Variants in CENPW observed in about 807,000 individuals in gnomAD.
The protein encoded by CENPW is centromere protein W, also known as cancer-up-regulated gene 2 protein.
A neutral mutation model predicts 11.1 loss-of-function variants in CENPW; 3 were observed. The observed-to-expected ratio is 0.27, with a 90% CI of 0.12 to 0.70. The LOEUF is 0.70. Among genes scored for constraint, CENPW ranks in the 30% least tolerant of loss-of-function variants. CENPW has a pLI of 0.77. For synonymous variants in CENPW, 38 were observed against 42.0 expected (o/e 0.91, Z 0.37); for missense variants, 100 against 105.6 (o/e 0.95, Z 0.23).
chr6:126,350,157 A>C (rs1351705642), downstream of CENPW, among the ~76,000 whole-genome samples: 2 of 152,160 alleles, frequency 1.3e-5, no homozygotes, highest in Non-Finnish European at 2.9e-5. Context: ...TGGTAATGTT[A>C]CTATTTTTTA....
At chr6:126,347,621 G>A (rs577607735) in intron 2 of CENPW, among the ~76,000 whole-genome samples, 22 of 151,970 alleles carry the variant, frequency 1.4e-4, no homozygotes, top group African/African-American at 5.3e-4. Flanking sequence ...GCATGTCTTG[G>A]CATTTTCTAG....
chr6:126,375,560 C>T, the CENPW span, among the ~76,000 whole-genome samples: 2 of 152,060 alleles, frequency 1.3e-5, no homozygotes, highest in South Asian at 4.1e-4. Flanking sequence ...TTTTGTCTTT[C>T]CCGTCTTTGC....
the CENPW span, among the ~76,000 whole-genome samples, chr6:126,460,525 TCA>T: frequency 6.6e-6 from 1 of 151,762 alleles, no homozygotes; most frequent in Admixed American, 6.6e-5. Flanking sequence ...CCTCCTGATT[TCA>T]GTGTCCTTAA....
chr6:126,425,577 A>AT, the CENPW span, among the ~76,000 whole-genome samples: 838 of 151,460 alleles, frequency 5.5e-3, 8 homozygotes, highest in African/African-American at 0.018. Flanking sequence ...TTGTAATGGT[A>AT]TTTTTTTTTC....
At chr6:126,375,826 C>T in the CENPW span, among the ~76,000 whole-genome samples, 8 of 152,054 alleles carry the variant, frequency 5.3e-5, no homozygotes, top group Admixed American at 5.2e-4. Context: ...TCCTTTACTC[C>T]TTTCTAATTT....
the CENPW span, among the ~76,000 whole-genome samples, chr6:126,431,589 C>T: frequency 2.4e-4 from 36 of 152,128 alleles, no homozygotes; most frequent in Non-Finnish European, 4.6e-4. Flanking sequence ...TCAAACAATC[C>T]GTTATTATGA....
the CENPW span, among the ~76,000 whole-genome samples, chr6:126,357,798 G>T: frequency 6.6e-6 from 1 of 151,914 alleles, no homozygotes; most frequent in Admixed American, 6.6e-5. Flanking sequence ...TAGTAGAGAC[G>T]GGGTTTCACC....
At chr6:126,374,232 CACTT>C in the CENPW span, among the ~76,000 whole-genome samples, 2 of 152,118 alleles carry the variant, frequency 1.3e-5, no homozygotes, top group South Asian at 2.1e-4. Flanking sequence ...TTGCTAGTGT[CACTT>C]ACTGCAGAAA....
At chr6:126,380,836 C>G in the CENPW span, among the ~76,000 whole-genome samples, 1 of 152,076 alleles carries the variant, frequency 6.6e-6, no homozygotes, top group Non-Finnish European at 1.5e-5. Flanking sequence ...GAAATAATAA[C>G]AATGACATAG....
At chr6:126,372,781 G>GA in the CENPW span, among the ~76,000 whole-genome samples, 1 of 152,076 alleles carries the variant, frequency 6.6e-6, no homozygotes, top group African/African-American at 2.4e-5. Context: ...AAGAAGTACA[G>GA]AAAAAAACAG....
intron 2 of CENPW, among the ~76,000 whole-genome samples, chr6:126,348,162 A>G (rs897270035): frequency 8.6e-5 from 13 of 151,996 alleles, no homozygotes; most frequent in African/African-American, 3.1e-4. Flanking sequence ...ATTCGAAACC[A>G]TTAATCTGGA....
chr6:126,342,182 T>C (rs960517875), intron 1 of CENPW, among the ~76,000 whole-genome samples: 2 of 152,152 alleles, frequency 1.3e-5, no homozygotes, highest in African/African-American at 4.8e-5. Flanking sequence ...CTGAAAGTTA[T>C]TGCAAGGTTA....
At chr6:126,410,409 CT>C in the CENPW span, among the ~76,000 whole-genome samples, 1 of 152,018 alleles carries the variant, frequency 6.6e-6, no homozygotes, top group Non-Finnish European at 1.5e-5. Context: ...CTTTTCTTCT[CT>C]TGCTGTTTTT....
At chr6:126,374,778 C>A in the CENPW span, among the ~76,000 whole-genome samples, 1 of 152,188 alleles carries the variant, frequency 6.6e-6, no homozygotes, top group African/African-American at 2.4e-5. Context: ...TAATTCCATT[C>A]ATTCATTTAA....
the CENPW span, among the ~76,000 whole-genome samples, chr6:126,396,163 T>C: frequency 6.6e-6 from 1 of 152,180 alleles, no homozygotes; most frequent in Non-Finnish European, 1.5e-5. Flanking sequence ...CCAGAGATGC[T>C]GTCAGGAGCC....
At chr6:126,355,280 C>T in the CENPW span, among the ~76,000 whole-genome samples, 1 of 151,988 alleles carries the variant, frequency 6.6e-6, no homozygotes, top group African/African-American at 2.4e-5. Flanking sequence ...TCTTTTTCCT[C>T]CTAAAGTTGG....
chr6:126,389,956 A>T, the CENPW span, among the ~76,000 whole-genome samples: 1 of 151,876 alleles, frequency 6.6e-6, no homozygotes, highest in Non-Finnish European at 1.5e-5. Flanking sequence ...GCAAGTTATG[A>T]TATATGTGTG....
the CENPW span, among the ~76,000 whole-genome samples, chr6:126,436,814 C>T: frequency 7.2e-5 from 11 of 151,778 alleles, no homozygotes; most frequent in African/African-American, 2.7e-4. Context: ...ATAGAACTTA[C>T]AGATATGCCA....
the CENPW span, among the ~76,000 whole-genome samples, chr6:126,443,599 G>T: frequency 3.3e-5 from 5 of 150,962 alleles, no homozygotes; most frequent in African/African-American, 1.2e-4. Flanking sequence ...ACTTCTCTAA[G>T]GTAACTAGTA....
Sources: gnomAD v4.1 joint callset for allele counts (sites outside exome capture counted in the v4.1 genomes callset) on GRCh38, gnomAD v4.1.1 for gene constraint, MANE v1.5 for transcripts, NCBI Gene and HGNC (gene_info 2026-07-23, HGNC 2026-07-21) for gene names.